PALS2: variants seen among roughly 807,000 people sequenced by gnomAD.
The protein encoded by PALS2 is protein associated with LIN7 2, MAGUK p55 family member.
A neutral mutation model predicts 61.6 loss-of-function variants in PALS2; 27 were observed. That is an observed-to-expected ratio of 0.44 (90% CI 0.32 to 0.60). PALS2 has a LOEUF of 0.60. Among genes scored for constraint, PALS2 ranks in the 20% least tolerant of loss-of-function variants. The pLI is 0.05. For synonymous variants in PALS2, 236 were observed against 218.6 expected (o/e 1.08, Z -0.70); for missense variants, 554 against 639.4 (o/e 0.87, Z 1.44).
chr7:24,649,353 A>G (rs1014010325), intron 3 of PALS2, among the ~76,000 whole-genome samples: 1 of 152,148 alleles, frequency 6.6e-6, no homozygotes, highest in African/African-American at 2.4e-5. Flanking sequence ...TGAACTTGCC[A>G]GTTTTTAAAA....
intron 1 of PALS2, among the ~76,000 whole-genome samples, chr7:24,593,039 T>A (rs920821713): frequency 6.6e-6 from 1 of 152,142 alleles, no homozygotes; most frequent in African/African-American, 2.4e-5. Flanking sequence ...ATAGTAGAAC[T>A]TCATTCAAAA....
At chr7:24,672,959 C>G (rs1787375212) in intron 9 of PALS2, among the ~76,000 whole-genome samples, 1 of 152,112 alleles carries the variant, frequency 6.6e-6, no homozygotes, top group Non-Finnish European at 1.5e-5. Flanking sequence ...ATAGAAGTGG[C>G]AAAAGTGAAC....
At chr7:24,640,788 C>G (rs1025716338) in intron 2 of PALS2, among the ~76,000 whole-genome samples, 4 of 151,928 alleles carry the variant, frequency 2.6e-5, no homozygotes, top group African/African-American at 9.7e-5. Context: ...GCGGGTGGAT[C>G]ACGAGGTCAG....
chr7:24,609,469 G>A (rs752299891), intron 1 of PALS2, among the ~76,000 whole-genome samples: 14 of 152,142 alleles, frequency 9.2e-5, no homozygotes, highest in Non-Finnish European at 1.6e-4. Context: ...GAAGAAAATG[G>A]CACCACCCCT....
intron 2 of PALS2, among the ~76,000 whole-genome samples, chr7:24,628,198 C>T (rs1301489871): frequency 2.0e-5 from 3 of 152,158 alleles, no homozygotes; most frequent in Non-Finnish European, 4.4e-5. Flanking sequence ...CCCTGGGATG[C>T]AAGGCAGGTT....
At chr7:24,644,798 A>G (rs531199803) in intron 3 of PALS2, among the ~76,000 whole-genome samples, 1 of 151,974 alleles carries the variant, frequency 6.6e-6, no homozygotes. Context: ...CTGCAACCTT[A>G]ACAGCATCTG....
chr7:24,638,326 T>C (rs1307472128), intron 2 of PALS2, among the ~76,000 whole-genome samples: 24 of 7,992 alleles, frequency 3.0e-3, no homozygotes, highest in South Asian at 0.02. Flanking sequence ...TATTTTCTTT[T>C]TTTTTTTTTT....
At chr7:24,595,705 A>C (rs1783497951) in intron 1 of PALS2, among the ~76,000 whole-genome samples, 1 of 150,528 alleles carries the variant, frequency 6.6e-6, no homozygotes, top group Admixed American at 6.7e-5. Context: ...ATTTCAGATG[A>C]GTACTGTGAT....
intron 1 of PALS2, among the ~76,000 whole-genome samples, chr7:24,576,783 C>G (rs1236086224): frequency 6.6e-6 from 1 of 152,118 alleles, no homozygotes; most frequent in African/African-American, 2.4e-5. Flanking sequence ...AATTGGTCTC[C>G]TCTTATAAAA....
intron 8 of PALS2, among the ~76,000 whole-genome samples, chr7:24,667,313 AATTT>A (rs1787074062): frequency 6.6e-6 from 1 of 152,150 alleles, no homozygotes; most frequent in Admixed American, 6.5e-5. Context: ...TTGGATCTAA[AATTT>A]ATTTTATATG....
At chr7:24,593,941 G>A (rs1028663383) in intron 1 of PALS2, among the ~76,000 whole-genome samples, 3 of 152,066 alleles carry the variant, frequency 2.0e-5, no homozygotes, top group Non-Finnish European at 4.4e-5. Context: ...TTGAGGCCAA[G>A]CATTGACTTT....
At chr7:24,584,114 A>T (rs1485458202) in intron 1 of PALS2, among the ~76,000 whole-genome samples, 314 of 149,754 alleles carry the variant, frequency 2.1e-3, no homozygotes, top group African/African-American at 7.3e-3. Flanking sequence ...TAATGCCGCA[A>T]TAAACATACG....
In PALS2 at chr7:24,690,259, G is replaced by A. The variant is rs1275355999; in HGVS notation, c.*2645G>A. 5.9e-5 allele frequency: 9 copies of A among 152,192 alleles called. No homozygotes were observed. Among genetic ancestry groups the A allele is most frequent in the African/African-American group, 1.7e-4 (7 of 41,446 alleles). The allele number at this position is 152,192 out of a possible 1,614,324, so 9.4% of individuals were successfully genotyped here. A position where few individuals can be genotyped will look rare whatever the true frequency, so the allele number is the denominator to read the frequency against. On this transcript the variant is annotated 3_prime_UTR_variant, in exon 12 of 12. Coordinates refer to ENST00000222644, the MANE Select transcript of PALS2 (RefSeq NM_001303037.2). Reference sequence around the variant, plus strand: ...TCTGCAGGAATGAGCAGTGCTCTGCGGGGGCAAACAGCCCCAGAGGTCCCA... The same window carrying A: ...TCTGCAGGAATGAGCAGTGCTCTGCAGGGGCAAACAGCCCCAGAGGTCCCA...
chr7:24,692,004 A>G lies in PALS2; in HGVS notation c.*4390A>G, dbSNP rs1168019871. 6.6e-6 allele frequency: 1 copy of G among 152,122 alleles called. No homozygotes were observed. The highest frequency in any genetic ancestry group is 2.4e-5 in the African/African-American group (1 of 41,460). 9.4% of individuals were successfully genotyped at this position (152,122 alleles called of 1,614,324 possible). A position where few individuals can be genotyped will look rare whatever the true frequency, so the allele number is the denominator to read the frequency against. On this transcript the variant is annotated 3_prime_UTR_variant, in exon 12 of 12. Transcript: ENST00000222644. ...ATATTGTATACCTGAGGAAGATGAC[A>G]GTTCTATAATTTTTTTAAGGTAAGG...
chr7:24,595,325 T>A (rs1017669850), intron 1 of PALS2, among the ~76,000 whole-genome samples: 1 of 149,192 alleles, frequency 6.7e-6, no homozygotes, highest in Non-Finnish European at 1.5e-5. Flanking sequence ...AGATTTTCTG[T>A]GGAGATGTAG....
intron 1 of PALS2, among the ~76,000 whole-genome samples, chr7:24,598,591 A>C (rs1783604632): frequency 1.3e-5 from 2 of 152,232 alleles, no homozygotes; most frequent in Non-Finnish European, 2.9e-5. Context: ...GTTAAAACTT[A>C]AAATAACCTG....
At position 24,687,648 on chromosome 7, in the gene PALS2, C is replaced by A; in HGVS notation, c.*34C>A. 3.9e-6 allele frequency: 6 copies of A among 1,548,126 alleles called. No homozygotes were observed. The highest frequency in any genetic ancestry group is 5.2e-6 in the Non-Finnish European group (6 of 1,150,936). Reference sequence around the variant, plus strand: ...TAAGGTTAACAATGAAAATTAAACTCTTAAAAAGTGACTGCAACAAATAAA... The same window carrying A: ...TAAGGTTAACAATGAAAATTAAACTATTAAAAAGTGACTGCAACAAATAAA... On this transcript the variant is annotated 3_prime_UTR_variant, in exon 12 of 12. Coordinates refer to ENST00000222644, the MANE Select transcript of PALS2 (RefSeq NM_001303037.2). The surrounding 1 kb of genome is among the most constrained non-coding windows in gnomAD (Gnocchi z 4.5).
chr7:24,583,869 A>G (rs899901690), intron 1 of PALS2, among the ~76,000 whole-genome samples: 20 of 150,156 alleles, frequency 1.3e-4, no homozygotes, highest in Admixed American at 7.9e-4. Context: ...TGTCCATGTG[A>G]TCTCATTGTT....
intron 5 of PALS2, among the ~76,000 whole-genome samples, chr7:24,654,872 T>C (rs1562644698): frequency 6.6e-6 from 1 of 152,148 alleles, no homozygotes; most frequent in Non-Finnish European, 1.5e-5. Flanking sequence ...GAAAGAGACC[T>C]ACACATACAT....
Sources: gnomAD v4.1 joint callset for allele counts (sites outside exome capture counted in the v4.1 genomes callset) on GRCh38, gnomAD v4.1.1 for gene constraint, Gnocchi (gnomAD v3.1) non-coding constraint, MANE v1.5 for transcripts, NCBI Gene and HGNC (gene_info 2026-07-23, HGNC 2026-07-21) for gene names.